RORA: variants seen among roughly 807,000 people sequenced by gnomAD.
RORA encodes nuclear receptor ROR-alpha.
In RORA, 7 loss-of-function variants were observed where a neutral mutation model predicts 69.5. The observed-to-expected ratio is 0.10, with a 90% CI of 0.06 to 0.19. The LOEUF (loss-of-function observed/expected upper bound fraction) is 0.19. Among genes scored for constraint, RORA ranks in the 10% least tolerant of loss-of-function variants. The pLI is 1.00. For synonymous variants in RORA, 261 were observed against 240.8 expected (o/e 1.08, Z -0.78); for missense variants, 457 against 663.0 (o/e 0.69, Z 3.41).
At chr15:60,528,217 A>C (rs1418615297) in intron 3 of RORA, 2 of 152,200 alleles carry the variant, frequency 1.3e-5, no homozygotes, top group Non-Finnish European at 2.9e-5. Context: ...CACCATGCCT[A>C]GCCAGTTTTT....
intron 1 of RORA, among the ~76,000 whole-genome samples, chr15:61,023,781 T>C (rs1895659506): frequency 6.6e-6 from 1 of 152,232 alleles, no homozygotes; most frequent in African/African-American, 2.4e-5. Context: ...CTTTATTCAT[T>C]GTAATCTCAA....
intron 1 of RORA, among the ~76,000 whole-genome samples, chr15:60,723,434 T>G (rs939198771): frequency 6.7e-6 from 1 of 150,302 alleles, no homozygotes. Context: ...GAAAATTACT[T>G]TTTTTTTTGA....
At chr15:60,822,564 G>A (rs1473946437) in intron 1 of RORA, among the ~76,000 whole-genome samples, 3 of 152,200 alleles carry the variant, frequency 2.0e-5, no homozygotes, top group African/African-American at 7.2e-5. Flanking sequence ...CTGGGGATTT[G>A]TGAGATCCAC....
chr15:60,620,136 C>A (rs779467682), intron 2 of RORA, among the ~76,000 whole-genome samples: 3 of 152,216 alleles, frequency 2.0e-5, no homozygotes, highest in Non-Finnish European at 4.4e-5. Context: ...CTACTTTAGA[C>A]TTCTTTGGAG....
At chr15:61,223,083 G>A (rs1177141579) in intron 1 of RORA, among the ~76,000 whole-genome samples, 1 of 152,088 alleles carries the variant, frequency 6.6e-6, no homozygotes, top group African/African-American at 2.4e-5. Context: ...GGAGGCCGAG[G>A]CGGGTGGATT....
At chr15:61,042,720 A>T (rs564990287) in intron 1 of RORA, among the ~76,000 whole-genome samples, 4 of 152,264 alleles carry the variant, frequency 2.6e-5, no homozygotes, top group Admixed American at 6.5e-5. Context: ...CCTACTCGGG[A>T]CCTCGTCCCT....
chr15:60,755,928 C>T (rs2071796030), intron 1 of RORA, among the ~76,000 whole-genome samples: 1 of 152,124 alleles, frequency 6.6e-6, no homozygotes, highest in Non-Finnish European at 1.5e-5. Context: ...TTCATTTATT[C>T]ACTGAATATC....
At chr15:60,884,693 C>T (rs913915298) in intron 1 of RORA, among the ~76,000 whole-genome samples, 6 of 152,176 alleles carry the variant, frequency 3.9e-5, no homozygotes, top group Non-Finnish European at 8.8e-5. Context: ...AGTTTATTGA[C>T]TCTATTAAGG....
chr15:60,636,835 C>A (rs2069850536), intron 2 of RORA, among the ~76,000 whole-genome samples: 1 of 152,132 alleles, frequency 6.6e-6, no homozygotes, highest in South Asian at 2.1e-4. Flanking sequence ...CAACTAAAAT[C>A]ATTCTGTGCA....
rs147307508 is a variant in RORA at position 60,604,282 on chromosome 15, G to A, written c.197-72431C>T. 3.0e-3 allele frequency among the ~76,000 whole-genome samples: 455 copies of A among 152,220 alleles called. 1 individual carries two copies. Among genetic ancestry groups the A allele is most frequent in the African/African-American group, 0.011 (439 of 41,544 alleles). The stretch of plus-strand genomic sequence containing the variant: ...CTCAGTGGGGAACCTGTTCTAGGAC[G>A]CTGTGTGCACATACTTGTCTGCCAA... On this transcript the variant is annotated intron_variant, in intron 2 of 10. Coordinates refer to ENST00000335670, the MANE Select transcript of RORA (RefSeq NM_134261.3).
At chr15:60,911,768 C>T (rs1217161934) in intron 1 of RORA, among the ~76,000 whole-genome samples, 1 of 145,276 alleles carries the variant, frequency 6.9e-6, no homozygotes, top group African/African-American at 2.6e-5. Flanking sequence ...GGTGCAATTT[C>T]GGTTCACTGC....
chr15:61,059,590 G>T (rs1363071007), intron 1 of RORA, among the ~76,000 whole-genome samples: 1 of 152,060 alleles, frequency 6.6e-6, no homozygotes, highest in East Asian at 1.9e-4. Flanking sequence ...ATACGTTATT[G>T]CCATTTCTAT....
chr15:60,778,317 CA>C (rs935052671), intron 1 of RORA, among the ~76,000 whole-genome samples: 1 of 150,538 alleles, frequency 6.6e-6, no homozygotes, highest in African/African-American at 2.5e-5. Context: ...TTTTCCCATG[CA>C]AAAGGACCTG....
At chr15:60,625,767 T>G (rs1056335806) in intron 2 of RORA, among the ~76,000 whole-genome samples, 3 of 152,350 alleles carry the variant, frequency 2.0e-5, no homozygotes, top group South Asian at 2.1e-4. Flanking sequence ...AACATATTTA[T>G]AGAATGGATT....
chr15:61,000,437 C>T (rs894558935), intron 1 of RORA, among the ~76,000 whole-genome samples: 12 of 152,206 alleles, frequency 7.9e-5, no homozygotes, highest in African/African-American at 2.4e-4. Context: ...ATAATCGAAA[C>T]GGATAATGAC....
rs114102850 is a variant in RORA at position 60,740,785 on chromosome 15, C to A, written c.167-62099G>T. 2.6e-3 allele frequency among the ~76,000 whole-genome samples: 400 copies of A among 152,296 alleles called. 1 individual carries two copies. Among genetic ancestry groups the A allele is most frequent in the African/African-American group, 9.2e-3 (384 of 41,560 alleles). ...TATTTCTTTTAACTGTTCTGCTCTT[C>A]ATAGAGCCTCTCTCTCTCTCTCACA... On this transcript the variant is annotated intron_variant, in intron 1 of 10. Coordinates refer to ENST00000335670, the MANE Select transcript of RORA (RefSeq NM_134261.3).
At chr15:60,864,320 A>G (rs1485517408) in intron 1 of RORA, among the ~76,000 whole-genome samples, 1 of 152,206 alleles carries the variant, frequency 6.6e-6, no homozygotes, top group African/African-American at 2.4e-5. Context: ...AAGAATGGAT[A>G]GCCCTCAAAT....
intron 1 of RORA, among the ~76,000 whole-genome samples, chr15:60,836,861 G>C (rs2073123315): frequency 6.6e-6 from 1 of 152,036 alleles, no homozygotes; most frequent in Admixed American, 6.6e-5. Flanking sequence ...TACTCTCCTA[G>C]GTTAGGCTGT....
intron 1 of RORA, among the ~76,000 whole-genome samples, chr15:60,832,256 G>A (rs866291914): frequency 6.6e-6 from 1 of 151,170 alleles, no homozygotes; most frequent in Middle Eastern, 3.4e-3. Context: ...CTGACAATCT[G>A]CACTCCCAAG....
Sources: allele counts gnomAD v4.1 joint callset (sites outside exome capture counted in the v4.1 genomes callset), GRCh38; gene constraint gnomAD v4.1.1; transcripts MANE v1.5; gene names NCBI Gene and HGNC (gene_info 2026-07-23, HGNC 2026-07-21).